The following RBPMS variants were observed in gnomAD, a reference collection of about 807,000 sequenced individuals.
The protein encoded by RBPMS is RNA binding protein, mRNA processing factor, also known as RNA-binding protein with multiple splicing.
A neutral mutation model predicts 26.8 loss-of-function variants in RBPMS; 7 were observed. The observed-to-expected ratio is 0.26, with a 90% CI of 0.15 to 0.49. The LOEUF (loss-of-function observed/expected upper bound fraction) is 0.49. Among genes scored for constraint, RBPMS ranks in the 20% least tolerant of loss-of-function variants. The pLI, the probability that RBPMS is intolerant of heterozygous loss-of-function variation, is 0.98. For synonymous variants in RBPMS, 96 were observed against 93.3 expected (o/e 1.03, Z -0.17); for missense variants, 186 against 250.0 (o/e 0.74, Z 1.73).
chr8:30,497,557 A>T (rs2150908609), intron 4 of RBPMS, among the ~76,000 whole-genome samples: 1 of 151,744 alleles, frequency 6.6e-6, no homozygotes, highest in African/African-American at 2.4e-5. Flanking sequence ...AAAATGATAA[A>T]CCGGTAGAAG....
intron 5 of RBPMS, among the ~76,000 whole-genome samples, chr8:30,512,117 CT>C (rs1163443346): frequency 6.6e-6 from 1 of 152,114 alleles, no homozygotes; most frequent in East Asian, 1.9e-4. Flanking sequence ...GTCACCCATG[CT>C]GGCCTAAAAG....
chr8:30,549,358 G>A, intron 6 of RBPMS: 1 of 699,914 alleles, frequency 1.4e-6, no homozygotes, highest in East Asian at 2.6e-5. Context: ...CAGAGCTGTG[G>A]CTGTGGCTAT....
At chr8:30,392,395 G>C (rs1807887839) in intron 1 of RBPMS, among the ~76,000 whole-genome samples, 1 of 152,108 alleles carries the variant, frequency 6.6e-6, no homozygotes, top group African/African-American at 2.4e-5. Flanking sequence ...GCAAGGCATG[G>C]CAGGAGAGAA....
At chr8:30,431,349 T>C (rs1162151935) in intron 1 of RBPMS, among the ~76,000 whole-genome samples, 18 of 111,686 alleles carry the variant, frequency 1.6e-4, no homozygotes, top group African/African-American at 6.0e-4. Flanking sequence ...TTTTCTTTTT[T>C]TTTCTTTCTC....
At position 30,505,083 on chromosome 8, in the gene RBPMS, A is replaced by G. The variant is rs148010533; in HGVS notation, c.397+647A>G. On this transcript the variant is annotated intron_variant, in intron 5 of 8. Transcript: ENST00000397323. ...AATAAGCTTATTTCATTATATGTCC[A>G]GACTACCATTTCTGCCTTTCCCTGA... Among the ~76,000 whole-genome samples the G allele has an allele frequency of 2.5e-4, 38 of 152,336 alleles. No individual in the cohort carries two copies. The East Asian group carries it at 5.0e-3, about 20-fold the overall frequency.
chr8:30,532,038 T>C (rs539056579), intron 5 of RBPMS, among the ~76,000 whole-genome samples: 1 of 152,336 alleles, frequency 6.6e-6, no homozygotes, highest in East Asian at 1.9e-4. Flanking sequence ...TGAGATTTCT[T>C]TTAAAGAAAG....
At chr8:30,549,750 C>CCTTTTCTTTT (rs796809216) in intron 6 of RBPMS, among the ~76,000 whole-genome samples, 2 of 76,210 alleles carry the variant, frequency 2.6e-5, no homozygotes, top group African/African-American at 1.1e-4. Flanking sequence ...TTCTTTCTTT[C>CCTTTTCTTTT]CTTTTCTTTT....
rs1347200092 is a variant in RBPMS at position 30,519,752 on chromosome 8, C to CA, written c.397+15319dup. Among the ~76,000 whole-genome samples, 11 of 152,192 alleles carry CA rather than the reference C, an allele frequency of 7.2e-5. No homozygotes were observed. The South Asian group carries it at 2.3e-3, about 32-fold the overall frequency. ...TCGTGATCTGCCCACCTCGGCCTCCCAAAGTGCTGGGATTACAGGCGTGAG... is the reference window on the plus strand; with the variant it reads ...TCGTGATCTGCCCACCTCGGCCTCCCAAAAGTGCTGGGATTACAGGCGTGAG... On this transcript the variant is annotated intron_variant, in intron 5 of 8. Coordinates refer to ENST00000397323, the MANE Select transcript of RBPMS (RefSeq NM_001008710.3).
At chr8:30,511,792 G>C (rs9693901) in intron 5 of RBPMS, among the ~76,000 whole-genome samples, 151,272 of 151,798 alleles carry the variant, frequency 1, 75,374 homozygotes, top group Middle Eastern at 1. Context: ...CCATTCCTCT[G>C]CAGCCTGGGC....
rs183380491 is a variant in RBPMS at position 30,447,382 on chromosome 8, G to A, written c.67-27397G>A. Among the ~76,000 whole-genome samples, 281 of 152,288 alleles carry A rather than the reference G, an allele frequency of 1.8e-3. 2 individuals are homozygous for A. Among genetic ancestry groups the A allele is most frequent in the African/African-American group, 6.5e-3 (270 of 41,560 alleles). On this transcript the variant is annotated intron_variant, in intron 1 of 8. Transcript: ENST00000397323. ...GAAATTTATTACTACATAAAATAGA[G>A]AATATATTAGAGGAAGTTAGCGGTT...
At chr8:30,472,628 A>G (rs763312276) in intron 1 of RBPMS, among the ~76,000 whole-genome samples, 4 of 152,250 alleles carry the variant, frequency 2.6e-5, no homozygotes, top group Admixed American at 2.6e-4. Context: ...TAAGGCATTC[A>G]GAATTCTGGG....
intron 5 of RBPMS, among the ~76,000 whole-genome samples, chr8:30,522,410 A>C (rs79626631): frequency 0.073 from 11,140 of 152,206 alleles, 1,282 homozygotes; most frequent in African/African-American, 0.24. Context: ...GGAGACGCCA[A>C]GGTGGGCAGA....
chr8:30,494,348 G>A (rs973358828), intron 4 of RBPMS, among the ~76,000 whole-genome samples: 4 of 152,156 alleles, frequency 2.6e-5, no homozygotes, highest in Non-Finnish European at 5.9e-5. Flanking sequence ...AATCCCCATT[G>A]GTTCATATTT....
chr8:30,427,337 A>G (rs2150650939), intron 1 of RBPMS, among the ~76,000 whole-genome samples: 1 of 152,334 alleles, frequency 6.6e-6, no homozygotes, highest in South Asian at 2.1e-4. Context: ...AAAGGGGTCC[A>G]GGTAGCTAGC....
intron 5 of RBPMS, among the ~76,000 whole-genome samples, chr8:30,542,710 T>G (rs745847423): frequency 1.4e-4 from 21 of 152,224 alleles, no homozygotes; most frequent in Non-Finnish European, 2.8e-4. Flanking sequence ...TGAGAATGGT[T>G]GTTTGTTTAA....
intron 5 of RBPMS, among the ~76,000 whole-genome samples, chr8:30,533,927 TTCGAGA>T (rs1208225367): frequency 2.6e-5 from 4 of 151,764 alleles, no homozygotes; most frequent in Non-Finnish European, 4.4e-5. Flanking sequence ...AGGTCAGGAG[TTCGAGA>T]CCAGCCTGGC....
chr8:30,459,277 G>A (rs2150773666), intron 1 of RBPMS, among the ~76,000 whole-genome samples: 1 of 151,592 alleles, frequency 6.6e-6, no homozygotes, highest in Admixed American at 6.6e-5. Context: ...TTTTGGTTTT[G>A]TTTGTGGTTT....
intron 5 of RBPMS, among the ~76,000 whole-genome samples, chr8:30,528,731 C>T (rs1823874733): frequency 6.6e-6 from 1 of 152,078 alleles, no homozygotes; most frequent in Non-Finnish European, 1.5e-5. Flanking sequence ...TTTAAATGTG[C>T]CCATGGTCAC....
At position 30,478,577 on chromosome 8, in the gene RBPMS, GCAACCTCCGCCTC is replaced by G. The variant is rs527598934; in HGVS notation, c.184-736_184-724del. On this transcript the variant is annotated intron_variant, in intron 3 of 8. Coordinates refer to ENST00000397323, the MANE Select transcript of RBPMS (RefSeq NM_001008710.3). ...TGCAGTGGCGCGATCTCGGCTCACT[GCAACCTCCGCCTC>G]CCAGGTTCAAGTGATTCTCCTGCCT... is the stretch of plus-strand genomic sequence containing the variant. 3.9e-3 allele frequency among the ~76,000 whole-genome samples: 589 copies of G among 149,632 alleles called. 7 individuals carry two copies. Among genetic ancestry groups the G allele is most frequent in the African/African-American group, 0.014 (565 of 40,578 alleles).
Sources: gnomAD v4.1 joint callset for allele counts (sites outside exome capture counted in the v4.1 genomes callset) on GRCh38, gnomAD v4.1.1 for gene constraint, MANE v1.5 for transcripts, NCBI Gene and HGNC (gene_info 2026-07-23, HGNC 2026-07-21) for gene names.